The following SSBP2 variants were observed in gnomAD, a reference collection of about 807,000 sequenced individuals.
SSBP2 encodes single stranded DNA binding protein 2.
Under a neutral mutation model 61.8 loss-of-function variants are expected in SSBP2, and 17 were observed. The observed-to-expected ratio is 0.28, with a 90% CI of 0.19 to 0.41. The LOEUF (loss-of-function observed/expected upper bound fraction) is 0.41. Among genes scored for constraint, SSBP2 ranks in the 10% least tolerant of loss-of-function variants. The pLI is 1.00. For missense variants in SSBP2, 310 were observed against 458.7 expected (o/e 0.68, Z 2.96); for synonymous variants, 139 against 141.3 (o/e 0.98, Z 0.12).
chr5:81,650,870 C>T lies in SSBP2; in HGVS notation c.63-531G>A, dbSNP rs548917449. On this transcript the variant is annotated intron_variant, in intron 1 of 16. Coordinates refer to ENST00000320672, the MANE Select transcript of SSBP2 (RefSeq NM_012446.5). ...AGATTTGATTGTTAAGCCAATAATA[C>T]TTTAGTTTATAAGGCATTCAAATTC... Among the ~76,000 whole-genome samples, 7 of 152,208 alleles carry T rather than the reference C, an allele frequency of 4.6e-5. No individual in the cohort carries two copies. In the South Asian group the frequency reaches 1.5e-3, roughly 32 times the overall value.
At chr5:81,557,751 T>C (rs776987460) in intron 4 of SSBP2, among the ~76,000 whole-genome samples, 2 of 152,188 alleles carry the variant, frequency 1.3e-5, no homozygotes, top group Non-Finnish European at 2.9e-5. Context: ...TTTGAATATA[T>C]GGAACATTAT....
intron 3 of SSBP2, among the ~76,000 whole-genome samples, chr5:81,635,100 C>A (rs1209201087): frequency 6.6e-6 from 1 of 152,064 alleles, no homozygotes; most frequent in African/African-American, 2.4e-5. Flanking sequence ...AATAAACCTT[C>A]TAGGTTTGCA....
At chr5:81,453,720 T>C (rs1044070092) in intron 10 of SSBP2, among the ~76,000 whole-genome samples, 1 of 152,108 alleles carries the variant, frequency 6.6e-6, no homozygotes, top group Non-Finnish European at 1.5e-5. Context: ...CCTCCCAGAG[T>C]GCTGGGATTA....
intron 8 of SSBP2, among the ~76,000 whole-genome samples, chr5:81,470,772 T>C (rs936226745): frequency 1.3e-5 from 2 of 151,960 alleles, no homozygotes; most frequent in East Asian, 1.9e-4. Flanking sequence ...CTTCTGCTCT[T>C]GGACAGCATC....
Position 81,415,421 on chromosome 5 carries a change from TATA to T in SSBP2, c.*5080_*5082del, listed in dbSNP as rs1357405441. On this transcript the variant is annotated 3_prime_UTR_variant, in exon 17 of 17. Transcript: ENST00000320672. ...TATACTTCAAATCATCTCGTTTACTTATAATACCTAATACAATGTATTATAAAT... is the reference window on the plus strand; with the variant it reads ...TATACTTCAAATCATCTCGTTTACTTATACCTAATACAATGTATTATAAAT... 1 of 152,224 alleles carries T rather than the reference TATA, an allele frequency of 6.6e-6. No individual in the cohort carries two copies. Among genetic ancestry groups the T allele is most frequent in the Non-Finnish European group, 1.5e-5 (1 of 68,038 alleles). The allele number at this position is 152,224 out of a possible 1,614,324, so 9.4% of individuals were successfully genotyped here.
intron 6 of SSBP2, 119 bp from the exon 7 acceptor site, chr5:81,474,681 C>T: frequency 1.5e-6 from 1 of 687,766 alleles, no homozygotes; most frequent in Non-Finnish European, 2.2e-6. Context: ...GAGTATTTCT[C>T]AAGATTTCTT....
At chr5:81,578,804 T>C (rs899439694) in intron 4 of SSBP2, among the ~76,000 whole-genome samples, 1 of 151,942 alleles carries the variant, frequency 6.6e-6, no homozygotes, top group African/African-American at 2.4e-5. Context: ...TAGACTTCTG[T>C]TCTTTAGTAG....
chr5:81,462,328 TA>T lies in SSBP2; in HGVS notation c.639-1226del, dbSNP rs369177210. On this transcript the variant is annotated intron_variant, in intron 9 of 16. Coordinates refer to ENST00000320672, the MANE Select transcript of SSBP2 (RefSeq NM_012446.5). ...TGTTAGATAAAGAGGCTGAGCAAGT[TA>T]GTTATGATATTACCCATGTTTGCAT... Among the ~76,000 whole-genome samples, 875 of 152,328 alleles carry T rather than the reference TA, an allele frequency of 5.7e-3. 6 individuals are homozygous for T. The highest frequency in any genetic ancestry group is 0.02 in the African/African-American group (816 of 41,588).
chr5:81,453,074 T>G (rs1763882364), intron 10 of SSBP2, among the ~76,000 whole-genome samples: 1 of 152,044 alleles, frequency 6.6e-6, no homozygotes, highest in African/African-American at 2.4e-5. Flanking sequence ...GTGGGAGGAC[T>G]GCTTGAGCCC....
At chr5:81,667,286 TACACACACACACACACACACACACAC>T (rs71605804) in intron 1 of SSBP2, among the ~76,000 whole-genome samples, 5 of 133,732 alleles carry the variant, frequency 3.7e-5, no homozygotes, top group African/African-American at 1.4e-4. Flanking sequence ...GGGATACAGA[TACACACACACACACACACACACACAC>T]ACACACACAC....
chr5:81,680,133 C>T (rs1027922843), intron 1 of SSBP2, among the ~76,000 whole-genome samples: 1 of 151,756 alleles, frequency 6.6e-6, no homozygotes, highest in Non-Finnish European at 1.5e-5. Flanking sequence ...CTGGGACTTA[C>T]ACCATTAGCT....
chr5:81,667,144 C>T (rs1023662821), intron 1 of SSBP2, among the ~76,000 whole-genome samples: 4 of 152,086 alleles, frequency 2.6e-5, no homozygotes, highest in African/African-American at 7.2e-5. Context: ...AGCTTTTTGC[C>T]TCAGGGCAAA....
intron 2 of SSBP2, among the ~76,000 whole-genome samples, chr5:81,649,348 G>T (rs1018550210): frequency 3.3e-5 from 5 of 152,046 alleles, no homozygotes; most frequent in Non-Finnish European, 5.9e-5. Context: ...AAGCACCACT[G>T]TAAGAAAGGT....
chr5:81,569,974 C>A (rs937351221), intron 4 of SSBP2, among the ~76,000 whole-genome samples: 1 of 152,032 alleles, frequency 6.6e-6, no homozygotes, highest in Non-Finnish European at 1.5e-5. Flanking sequence ...CTAGTTTTAT[C>A]TTACTTTAAG....
chr5:81,552,024 C>T (rs891782983), intron 4 of SSBP2, among the ~76,000 whole-genome samples: 11 of 152,174 alleles, frequency 7.2e-5, no homozygotes, highest in Admixed American at 6.5e-4. Context: ...ACACTGTGAT[C>T]TCACTTACAT....
chr5:81,658,110 T>C (rs1235618800), intron 1 of SSBP2, among the ~76,000 whole-genome samples: 1 of 152,130 alleles, frequency 6.6e-6, no homozygotes, highest in African/African-American at 2.4e-5. Flanking sequence ...AAAACATTGT[T>C]ATTAATAACA....
At chr5:81,676,412 C>T (rs1206575941) in intron 1 of SSBP2, among the ~76,000 whole-genome samples, 1 of 152,042 alleles carries the variant, frequency 6.6e-6, no homozygotes, top group Non-Finnish European at 1.5e-5. Flanking sequence ...AGGAGAGGGG[C>T]CAGATATGTA....
intron 16 of SSBP2, among the ~76,000 whole-genome samples, 187 bp downstream of exon 16, chr5:81,428,398 G>C (rs1170041359): frequency 6.6e-6 from 1 of 152,048 alleles, no homozygotes; most frequent in Non-Finnish European, 1.5e-5. Context: ...TATGTACACA[G>C]AATAAAAAAG....
At chr5:81,751,100 C>G (rs531089199), upstream of SSBP2, 8 of 1,531,888 alleles carry the variant, frequency 5.2e-6, no homozygotes, top group Admixed American at 7.8e-5. Context: ...ACAGCCTCCC[C>G]GGGAACAGCC....
Sources: allele counts gnomAD v4.1 joint callset (sites outside exome capture counted in the v4.1 genomes callset), GRCh38; gene constraint gnomAD v4.1.1; transcripts MANE v1.5; gene names NCBI Gene and HGNC (gene_info 2026-07-23, HGNC 2026-07-21).